DCDC1: variants seen among roughly 807,000 people sequenced by gnomAD.
DCDC1 encodes the protein doublecortin domain-containing protein 1.
In DCDC1, 200 loss-of-function variants were observed where a neutral mutation model predicts 178.3. That is an observed-to-expected ratio of 1.12 (90% CI 1.00 to 1.26). The LOEUF (loss-of-function observed/expected upper bound fraction) is 1.26, where lower values mean the gene tolerates loss of function less well. Ranked by LOEUF, DCDC1 falls within the 50% of genes most tolerant of loss-of-function variation. The pLI is 0.00. For synonymous variants in DCDC1, 690 were observed against 604.8 expected (o/e 1.14, Z -2.07); for missense variants, 1,983 against 1,749.2 (o/e 1.13, Z -2.38).
intron 10 of DCDC1, among the ~76,000 whole-genome samples, chr11:31,128,949 G>A (rs1465108158): frequency 6.6e-6 from 1 of 152,090 alleles, no homozygotes; most frequent in Non-Finnish European, 1.5e-5. Context: ...ACTATTTGCT[G>A]TGTAGATCCT....
At chr11:31,259,079 G>A (rs1944605114) in intron 8 of DCDC1, among the ~76,000 whole-genome samples, 1 of 152,080 alleles carries the variant, frequency 6.6e-6, no homozygotes, top group Non-Finnish European at 1.5e-5. Flanking sequence ...CTAAGAGCGC[G>A]GTGGCTCACG....
intron 20 of DCDC1, among the ~76,000 whole-genome samples, chr11:31,022,270 G>C (rs1313023833): frequency 6.6e-6 from 1 of 152,008 alleles, no homozygotes; most frequent in East Asian, 1.9e-4. Flanking sequence ...CCAACTCTTG[G>C]TGTTTATTGA....
intron 9 of DCDC1, among the ~76,000 whole-genome samples, chr11:31,223,288 TTAAC>T (rs1974503122): frequency 6.6e-6 from 1 of 152,208 alleles, no homozygotes; most frequent in Non-Finnish European, 1.5e-5. Flanking sequence ...AGACATATCA[TTAAC>T]TATTATTTGA....
intron 15 of DCDC1, among the ~76,000 whole-genome samples, chr11:31,095,722 C>A (rs765973019): frequency 6.6e-6 from 1 of 152,178 alleles, no homozygotes; most frequent in South Asian, 2.1e-4. Context: ...AGGTGTTGTG[C>A]ACCTTCTAGC....
intron 15 of DCDC1, among the ~76,000 whole-genome samples, chr11:31,096,543 T>C (rs1002965314): frequency 6.6e-6 from 1 of 152,198 alleles, no homozygotes; most frequent in Non-Finnish European, 1.5e-5. Context: ...GGCTTATTGG[T>C]GAAGAGTGAA....
At chr11:30,962,974 G>A (rs953953115) in intron 20 of DCDC1, among the ~76,000 whole-genome samples, 1 of 151,996 alleles carries the variant, frequency 6.6e-6, no homozygotes, top group East Asian at 1.9e-4. Context: ...GCTTATGATG[G>A]AACCACACTT....
At chr11:30,871,451 C>G (rs987431817) in intron 38 of DCDC1, among the ~76,000 whole-genome samples, 1 of 152,168 alleles carries the variant, frequency 6.6e-6, no homozygotes, top group East Asian at 1.9e-4. Flanking sequence ...CAGAGGTAAA[C>G]TGAGTGAGTC....
chr11:31,213,902 G>A (rs1282308931), intron 9 of DCDC1, among the ~76,000 whole-genome samples: 3 of 151,752 alleles, frequency 2.0e-5, no homozygotes, highest in Non-Finnish European at 4.4e-5. Flanking sequence ...TGTTGAGTGT[G>A]TACACATGTA....
At chr11:31,347,746 G>A (rs1213609214) in intron 1 of DCDC1, among the ~76,000 whole-genome samples, 1 of 152,126 alleles carries the variant, frequency 6.6e-6, no homozygotes, top group African/African-American at 2.4e-5. Flanking sequence ...AAGATAGAAG[G>A]TGCCAGGGGT....
chr11:31,079,318 G>A (rs1164336510), intron 17 of DCDC1, among the ~76,000 whole-genome samples: 1 of 152,186 alleles, frequency 6.6e-6, no homozygotes, highest in Non-Finnish European at 1.5e-5. Flanking sequence ...CACAGGAACA[G>A]AAGCTCCTGT....
chr11:31,346,909 A>T (rs1950846759), intron 1 of DCDC1, among the ~76,000 whole-genome samples: 1 of 152,234 alleles, frequency 6.6e-6, no homozygotes, highest in Non-Finnish European at 1.5e-5. Context: ...TGGAATTCAG[A>T]TTCTATTAGA....
At chr11:30,981,995 C>T (rs1209081409) in intron 20 of DCDC1, among the ~76,000 whole-genome samples, 1 of 152,064 alleles carries the variant, frequency 6.6e-6, no homozygotes, top group African/African-American at 2.4e-5. Context: ...AATGTAATTG[C>T]TTATGCCTAT....
chr11:31,068,141 T>C (rs979607480), intron 18 of DCDC1, among the ~76,000 whole-genome samples: 2 of 152,062 alleles, frequency 1.3e-5, no homozygotes, highest in African/African-American at 2.4e-5. Flanking sequence ...CAAGAAGAGA[T>C]TATTTTATGC....
At chr11:31,004,186 A>G (rs879528526) in intron 20 of DCDC1, among the ~76,000 whole-genome samples, 1 of 152,240 alleles carries the variant, frequency 6.6e-6, no homozygotes, top group Non-Finnish European at 1.5e-5. Context: ...GGAAAACAAC[A>G]CATTTAGTTT....
chr11:31,171,968 T>C (rs976032110), intron 9 of DCDC1, among the ~76,000 whole-genome samples: 10 of 152,204 alleles, frequency 6.6e-5, no homozygotes, highest in Non-Finnish European at 1.5e-4. Flanking sequence ...GGAGTTATTC[T>C]TCTGTGAGAA....
At chr11:31,052,009 A>T (rs572041735) in intron 20 of DCDC1, among the ~76,000 whole-genome samples, 76 of 152,340 alleles carry the variant, frequency 5.0e-4, no homozygotes, top group African/African-American at 1.8e-3. Context: ...TTCAATACTA[A>T]CATTGAATGT....
intron 20 of DCDC1, among the ~76,000 whole-genome samples, chr11:31,056,995 G>T (rs1955625180): frequency 6.6e-6 from 1 of 152,054 alleles, no homozygotes; most frequent in African/African-American, 2.4e-5. Flanking sequence ...ACTTTGGGAG[G>T]CTGAGGCAGG....
At chr11:31,356,815 G>T (rs1309997728) in intron 1 of DCDC1, among the ~76,000 whole-genome samples, 2 of 150,774 alleles carry the variant, frequency 1.3e-5, no homozygotes, top group South Asian at 4.2e-4. Context: ...ACACCTCTAC[G>T]CAAATAAACT....
At chr11:31,200,802 A>G (rs546573254) in intron 9 of DCDC1, among the ~76,000 whole-genome samples, 1 of 152,080 alleles carries the variant, frequency 6.6e-6, no homozygotes, top group South Asian at 2.1e-4. Context: ...TAACTAACCT[A>G]TATTGGTGAG....
Sources: allele counts gnomAD v4.1 joint callset (sites outside exome capture counted in the v4.1 genomes callset), GRCh38; gene constraint gnomAD v4.1.1; transcripts MANE v1.5; gene names NCBI Gene and HGNC (gene_info 2026-07-23, HGNC 2026-07-21).